CACNA1A: variants seen among roughly 807,000 people sequenced by gnomAD.
The protein encoded by CACNA1A is calcium voltage-gated channel subunit alpha1 A, also known as voltage-dependent P/Q-type calcium channel subunit alpha-1A.
In CACNA1A, 57 loss-of-function variants were observed where a neutral mutation model predicts 262.4. The ratio of observed to expected loss-of-function variants is 0.22; its 90% CI spans 0.18 to 0.27. The LOEUF (loss-of-function observed/expected upper bound fraction) is 0.27. Ranked by LOEUF, CACNA1A falls within the 10% of genes least tolerant of loss-of-function variation. The pLI is 1.00. For synonymous variants in CACNA1A, 1,431 were observed against 1,419.3 expected, an observed-to-expected ratio of 1.01 and a Z score of -0.18; for missense variants, 2,526 against 3,562.8, an observed-to-expected ratio of 0.71 and a Z score of 7.41.
intron 3 of CACNA1A, among the ~76,000 whole-genome samples, chr19:13,404,130 C>A (rs1474593105): frequency 6.6e-6 from 1 of 151,914 alleles, no homozygotes; most frequent in Non-Finnish European, 1.5e-5. Flanking sequence ...TTGTAAAGTG[C>A]TCAGAACAGG....
intron 24 of CACNA1A, among the ~76,000 whole-genome samples, chr19:13,269,591 G>C (rs2056963432): frequency 6.6e-6 from 1 of 152,208 alleles, no homozygotes; most frequent in African/African-American, 2.4e-5. Flanking sequence ...GCCTTTGGGG[G>C]AAGAACAGCC....
intron 30 of CACNA1A, among the ~76,000 whole-genome samples, chr19:13,251,649 T>A (rs1010788973): frequency 1.3e-5 from 2 of 152,198 alleles, no homozygotes; most frequent in Non-Finnish European, 2.9e-5. Flanking sequence ...GTGACACAGG[T>A]CATGTTGATA....
intron 18 of CACNA1A, among the ~76,000 whole-genome samples, 153 bp downstream of exon 18, chr19:13,300,397 T>C (rs2057763852): frequency 6.6e-6 from 1 of 152,044 alleles, no homozygotes; most frequent in South Asian, 2.1e-4. Flanking sequence ...TAACCAAATA[T>C]TTATTGAGTG....
chr19:13,371,638 C>A (rs1963146104), intron 4 of CACNA1A, 50 bp downstream of exon 4: 1 of 1,368,698 alleles, frequency 7.3e-7, no homozygotes, highest in African/African-American at 1.4e-5. Flanking sequence ...AAACTGAGGG[C>A]TCCTGGGGCC....
At chr19:13,422,588 G>C (rs2060334688) in intron 3 of CACNA1A, among the ~76,000 whole-genome samples, 1 of 152,188 alleles carries the variant, frequency 6.6e-6, no homozygotes, top group African/African-American at 2.4e-5. Flanking sequence ...CTAGGGCTTT[G>C]GGCCATGCCT....
intron 15 of CACNA1A, among the ~76,000 whole-genome samples, chr19:13,306,103 C>T (rs915144415): frequency 6.6e-6 from 1 of 151,866 alleles, no homozygotes; most frequent in African/African-American, 2.4e-5. Flanking sequence ...CAGAACTTCC[C>T]TTCATGGAAG....
intron 36 of CACNA1A, chr19:13,227,779 GGA>G (rs148342035): frequency 2.3e-4 from 58 of 250,706 alleles, no homozygotes; most frequent in East Asian, 4.2e-4. Context: ...TCGGGAGCAG[GGA>G]GAGAGAGAGA....
chr19:13,208,640 G>A (rs2054670617), intron 46 of CACNA1A, 116 bp downstream of exon 46: 2 of 1,317,040 alleles, frequency 1.5e-6, no homozygotes, highest in South Asian at 1.5e-5. Flanking sequence ...ATGGGAGGTG[G>A]TCACAGCCGG....
chr19:13,210,630 C>G lies in CACNA1A; in HGVS notation c.6326G>C (p.Gly2109Ala), dbSNP rs868808043. Residue 2109 changes from glycine (G) to alanine (A), a missense_variant, in exon 44 of 47, where the codon GGG becomes GCG. By Grantham distance (60) the Gly-to-Ala change is moderately conservative. This residue lies in a region of CACNA1A where 929 missense variants were observed against 868.1 expected (regional missense o/e 1.07). Coordinates refer to ENST00000360228, the MANE Select transcript of CACNA1A (RefSeq NM_001127222.2). Reference sequence around the variant, plus strand: ...CGCGGTACATACACTGAGGTTATTCCCACGTGGCCGGCCCCTTCTCCTCTG... The same window carrying G: ...CGCGGTACATACACTGAGGTTATTCGCACGTGGCCGGCCCCTTCTCCTCTG... ...ENQRRRGRPRGNNLSTISDTS... is the reference protein window; with the variant it reads ...ENQRRRGRPRANNLSTISDTS... 6.4e-7 allele frequency: 1 copy of G among 1,565,140 alleles called. No individual in the cohort carries two copies. The highest frequency in any genetic ancestry group is 8.6e-7 in the Non-Finnish European group (1 of 1,156,256).
At chr19:13,357,669 T>A (rs2059029058) in intron 6 of CACNA1A, among the ~76,000 whole-genome samples, 1 of 151,948 alleles carries the variant, frequency 6.6e-6, no homozygotes. Context: ...GAGGACAGAG[T>A]GGGGTTTAAA....
intron 1 of CACNA1A, among the ~76,000 whole-genome samples, chr19:13,496,506 G>A (rs556096508): frequency 8.5e-5 from 13 of 152,336 alleles, no homozygotes; most frequent in Admixed American, 2.0e-4. Context: ...TTGCTGAGAC[G>A]TGGGGAAAAT....
At chr19:13,425,224 T>C (rs2060381649) in intron 3 of CACNA1A, among the ~76,000 whole-genome samples, 1 of 152,162 alleles carries the variant, frequency 6.6e-6, no homozygotes, top group African/African-American at 2.4e-5. Context: ...GCCTGACAAT[T>C]AGTAGTTATC....
intron 30 of CACNA1A, among the ~76,000 whole-genome samples, chr19:13,248,534 A>T (rs2056312124): frequency 7.0e-6 from 1 of 142,140 alleles, no homozygotes; most frequent in Non-Finnish European, 1.5e-5. Context: ...CACCAGCAGA[A>T]GATCAACTCA....
At chr19:13,388,552 C>A (rs750751223) in intron 3 of CACNA1A, among the ~76,000 whole-genome samples, 2 of 152,046 alleles carry the variant, frequency 1.3e-5, no homozygotes, top group Non-Finnish European at 2.9e-5. Context: ...CACCCCCTGG[C>A]GAGAAAACTA....
intron 19 of CACNA1A, among the ~76,000 whole-genome samples, chr19:13,292,773 T>G (rs746554182): frequency 6.6e-6 from 1 of 152,238 alleles, no homozygotes; most frequent in Non-Finnish European, 1.5e-5. Flanking sequence ...CTTTTTATTA[T>G]TTTATATTCT....
At chr19:13,278,907 G>C (rs1326835981) in intron 22 of CACNA1A, among the ~76,000 whole-genome samples, 1 of 152,122 alleles carries the variant, frequency 6.6e-6, no homozygotes, top group East Asian at 1.9e-4. Context: ...CTGGTGCAAG[G>C]GGATTGGCTT....
chr19:13,235,251 C>A lies in CACNA1A; in HGVS notation c.5091G>T (p.Leu1697=). Residue 1697 remains leucine (L), a synonymous_variant, in exon 33 of 47, where the codon CTG becomes CTT. Coordinates refer to ENST00000360228, the MANE Select transcript of CACNA1A (RefSeq NM_001127222.2). The part of the protein sequence containing the change: ...SFKALPYVCL[L]IAMLFFIYAI... ...CATAGATGAAGAAGAGCATGGCGAT[C>A]AGCAGACAGACATAAGGCAGGGCCT... The A allele has an allele frequency of 6.3e-7, 1 of 1,599,398 alleles. No homozygotes were observed. The highest frequency in any genetic ancestry group is 8.5e-7 in the Non-Finnish European group (1 of 1,173,008).
At chr19:13,407,003 A>T (rs1304747572) in intron 3 of CACNA1A, among the ~76,000 whole-genome samples, 1 of 151,964 alleles carries the variant, frequency 6.6e-6, no homozygotes, top group African/African-American at 2.4e-5. Context: ...ACACACAAGC[A>T]CAGCTCTGTT....
Position 13,206,771 on chromosome 19 carries a change from GGGTGTGA to G in CACNA1A, c.*535_*541del, listed in dbSNP as rs1287501801. 1.3e-5 allele frequency: 2 copies of G among 153,900 alleles called. No individual in the cohort carries two copies. Among genetic ancestry groups the G allele is most frequent in the African/African-American group, 2.4e-5 (1 of 41,102 alleles). The allele number at this position is 153,900 out of a possible 1,614,324, so 9.5% of individuals were successfully genotyped here. On this transcript the variant is annotated 3_prime_UTR_variant, in exon 47 of 47. Coordinates refer to ENST00000360228, the MANE Select transcript of CACNA1A (RefSeq NM_001127222.2). ...CTTGTGTGTGTCTGAGAACGTGTGT[GGGTGTGA>G]GTGTGTCTGGTGGTGGGTGTAGGGC...
Sources: allele counts gnomAD v4.1 joint callset (sites outside exome capture counted in the v4.1 genomes callset), GRCh38; gene constraint gnomAD v4.1.1; regional missense constraint gnomAD v4.1.1; transcripts MANE v1.5; gene names NCBI Gene and HGNC (gene_info 2026-07-23, HGNC 2026-07-21).